Variants in RANBP2 observed in about 807,000 individuals in gnomAD.
RANBP2 encodes the protein E3 SUMO-protein ligase RanBP2.
Under a neutral mutation model 303.6 loss-of-function variants are expected in RANBP2, and 57 were observed. The observed-to-expected ratio is 0.19, with a 90% CI of 0.15 to 0.23. RANBP2 has a LOEUF of 0.23. RANBP2 is among the 10% of genes least tolerant of loss of function. The pLI is 1.00. For missense variants in RANBP2, 3,138 were observed against 3,780.8 expected, an observed-to-expected ratio of 0.83 and a Z score of 4.46; for synonymous variants, 1,167 against 1,301.5, an observed-to-expected ratio of 0.90 and a Z score of 2.23.
the RANBP2 span, among the ~76,000 whole-genome samples, chr2:109,692,489 G>C: frequency 6.6e-6 from 1 of 152,162 alleles, no homozygotes; most frequent in Non-Finnish European, 1.5e-5. Context: ...TGTGAGAGCA[G>C]AACTGAGAGA....
the RANBP2 span, among the ~76,000 whole-genome samples, chr2:108,866,211 C>A: frequency 9.8e-5 from 15 of 152,320 alleles, no homozygotes; most frequent in African/African-American, 3.1e-4. Context: ...CAGGAGTCCT[C>A]TTCTGCCATC....
At chr2:109,591,772 C>T in the RANBP2 span, among the ~76,000 whole-genome samples, 1 of 151,970 alleles carries the variant, frequency 6.6e-6, no homozygotes, top group Non-Finnish European at 1.5e-5. Flanking sequence ...GTGGCACATG[C>T]CTATAATCAT....
chr2:109,381,616 T>A, the RANBP2 span, among the ~76,000 whole-genome samples: 2 of 151,990 alleles, frequency 1.3e-5, no homozygotes, highest in East Asian at 3.9e-4. Flanking sequence ...TTGAGTAAGT[T>A]AGGCTGTGGC....
At chr2:109,053,425 C>T in the RANBP2 span, among the ~76,000 whole-genome samples, 5 of 152,222 alleles carry the variant, frequency 3.3e-5, no homozygotes, top group Non-Finnish European at 7.3e-5. Context: ...GGTTCTGCCC[C>T]AGTCCCCCAT....
At chr2:109,259,728 ACTT>A in the RANBP2 span, among the ~76,000 whole-genome samples, 1 of 151,998 alleles carries the variant, frequency 6.6e-6, no homozygotes, top group African/African-American at 2.4e-5. Flanking sequence ...GGTTCTTTTC[ACTT>A]CTTTTTCTTC....
chr2:109,101,671 C>G, the RANBP2 span, among the ~76,000 whole-genome samples: 2 of 152,084 alleles, frequency 1.3e-5, no homozygotes, highest in African/African-American at 4.8e-5. Flanking sequence ...ATAGTGAAAA[C>G]AAGAGAAGGA....
the RANBP2 span, chr2:109,129,097 C>G: frequency 1.3e-5 from 5 of 371,104 alleles, no homozygotes; most frequent in Middle Eastern, 7.9e-4. Flanking sequence ...GGCTCGCCAG[C>G]TGCGCGGAGG....
At chr2:109,578,902 A>T in the RANBP2 span, among the ~76,000 whole-genome samples, 56 of 152,368 alleles carry the variant, frequency 3.7e-4, no homozygotes, top group African/African-American at 1.2e-3. Context: ...GAGAAATTGG[A>T]ACAAAACTCC....
At chr2:109,037,474 A>ATCT in the RANBP2 span, among the ~76,000 whole-genome samples, 2 of 152,192 alleles carry the variant, frequency 1.3e-5, no homozygotes, top group African/African-American at 2.4e-5. Flanking sequence ...TAAGACAAGA[A>ATCT]AGAGAGATAA....
the RANBP2 span, chr2:108,873,432 C>G: frequency 6.4e-7 from 1 of 1,566,804 alleles, no homozygotes. Flanking sequence ...TAGTAAAGCA[C>G]TGTTGATTTG....
the RANBP2 span, chr2:109,613,274 A>G: frequency 3.4e-5 from 30 of 894,924 alleles, no homozygotes; most frequent in Non-Finnish European, 6.0e-6. Flanking sequence ...TTTAGAGTAC[A>G]AAAGAGTCAA....
chr2:109,461,398 C>G, the RANBP2 span, among the ~76,000 whole-genome samples: 12 of 152,008 alleles, frequency 7.9e-5, no homozygotes, highest in Middle Eastern at 3.4e-3. Context: ...CGGTGATCCA[C>G]CTGCCAAAGG....
chr2:109,278,010 C>CAAAA, the RANBP2 span, among the ~76,000 whole-genome samples: 17 of 81,288 alleles, frequency 2.1e-4, no homozygotes, highest in Non-Finnish European at 2.8e-4. Flanking sequence ...CTGTCTCTAA[C>CAAAA]AAAAAAAAAA....
At chr2:109,219,876 ATC>A in the RANBP2 span, among the ~76,000 whole-genome samples, 2 of 152,188 alleles carry the variant, frequency 1.3e-5, no homozygotes, top group Non-Finnish European at 2.9e-5. Flanking sequence ...ATTCAGGGCA[ATC>A]TCTATCAAAA....
the RANBP2 span, among the ~76,000 whole-genome samples, chr2:109,635,650 C>A: frequency 6.6e-6 from 1 of 152,302 alleles, no homozygotes; most frequent in African/African-American, 2.4e-5. Flanking sequence ...GACCCTACCT[C>A]GTCTCAGATG....
the RANBP2 span, among the ~76,000 whole-genome samples, chr2:108,934,586 T>C: frequency 6.6e-6 from 1 of 152,162 alleles, no homozygotes; most frequent in African/African-American, 2.4e-5. Context: ...GGGTTCTGGT[T>C]CTGGGAAGTC....
chr2:108,996,995 T>C, the RANBP2 span, among the ~76,000 whole-genome samples: 1,098 of 152,308 alleles, frequency 7.2e-3, 8 homozygotes, highest in South Asian at 0.029. Flanking sequence ...GCCTCCAGGC[T>C]GACTGCTGTA....
At chr2:109,357,206 G>A in the RANBP2 span, among the ~76,000 whole-genome samples, 524 of 151,294 alleles carry the variant, frequency 3.5e-3, 3 homozygotes, top group Non-Finnish European at 4.7e-3. Context: ...TTTTGAGACG[G>A]AGTCTTACTC....
chr2:109,682,056 C>T, the RANBP2 span, among the ~76,000 whole-genome samples: 1 of 152,194 alleles, frequency 6.6e-6, no homozygotes, highest in Non-Finnish European at 1.5e-5. Flanking sequence ...TTCTTTCAAC[C>T]AGACTAGTTG....
Sources: gnomAD v4.1 joint callset for allele counts (sites outside exome capture counted in the v4.1 genomes callset) on GRCh38, gnomAD v4.1.1 for gene constraint, MANE v1.5 for transcripts, NCBI Gene and HGNC (gene_info 2026-07-23, HGNC 2026-07-21) for gene names.